Variants in RBFOX1 observed in about 807,000 individuals in gnomAD.
The protein encoded by RBFOX1 is RNA binding fox-1 homolog 1.
A neutral mutation model predicts 57.7 loss-of-function variants in RBFOX1; 8 were observed. The ratio of observed to expected loss-of-function variants is 0.14; its 90% confidence interval spans 0.08 to 0.25. The LOEUF is 0.25. Ranked by LOEUF, RBFOX1 falls within the 10% of genes least tolerant of loss-of-function variation. RBFOX1 has a pLI of 1.00. For synonymous variants in RBFOX1, 326 were observed against 222.4 expected (o/e 1.47, Z -4.15); for missense variants, 611 against 548.5 (o/e 1.11, Z -1.14).
At chr16:6,325,291 C>T (rs947317317) in intron 2 of RBFOX1, among the ~76,000 whole-genome samples, 1 of 152,092 alleles carries the variant, frequency 6.6e-6, no homozygotes, top group Non-Finnish European at 1.5e-5. Flanking sequence ...CCCAGGAATC[C>T]AAGGCTGCAG....
intron 1 of RBFOX1, among the ~76,000 whole-genome samples, chr16:6,170,696 T>C (rs1291658718): frequency 6.6e-6 from 1 of 152,138 alleles, no homozygotes; most frequent in Non-Finnish European, 1.5e-5. Flanking sequence ...ATCACCCAAG[T>C]ACTAAGCTTA....
rs1205931486 is a variant in RBFOX1, at chr16:6,935,626, G to A, written c.-15-116431G>A. ...ATTGTGCATGTACACACAAGCACAC[G>A]CTCCCCTACATACTTTGCTGACATC... On this transcript the variant is annotated intron_variant, in intron 3 of 15. Coordinates refer to ENST00000550418, the MANE Select transcript of RBFOX1 (RefSeq NM_018723.4). Among the ~76,000 whole-genome samples the A allele has an allele frequency of 2.0e-5, 3 of 152,134 alleles. No homozygotes were observed. The South Asian group carries it at 6.2e-4, about 32-fold the overall frequency.
intron 2 of RBFOX1, among the ~76,000 whole-genome samples, chr16:6,589,625 C>G (rs2097682379): frequency 6.6e-6 from 1 of 152,184 alleles, no homozygotes; most frequent in South Asian, 2.1e-4. Flanking sequence ...TCTTGCAGCT[C>G]CTAGCTGCAG....
chr16:7,691,361 T>G (rs1352171446), intron 14 of RBFOX1, among the ~76,000 whole-genome samples: 1 of 135,334 alleles, frequency 7.4e-6, no homozygotes, highest in Non-Finnish European at 1.6e-5. Flanking sequence ...TCAATACACA[T>G]AGGTTTTCAA....
intron 1 of RBFOX1, among the ~76,000 whole-genome samples, chr16:5,445,436 C>T (rs1342768082): frequency 2.6e-5 from 4 of 152,124 alleles, no homozygotes; most frequent in Non-Finnish European, 5.9e-5. Flanking sequence ...TATGACTATC[C>T]TTAGGACCAT....
At chr16:5,775,114 G>T (rs1294140086) in intron 3 of RBFOX1, among the ~76,000 whole-genome samples, 1 of 152,068 alleles carries the variant, frequency 6.6e-6, no homozygotes, top group Non-Finnish European at 1.5e-5. Flanking sequence ...CTTGAGTGAT[G>T]GTGTAGACAA....
chr16:5,456,814 C>T (rs2068643828), intron 1 of RBFOX1, among the ~76,000 whole-genome samples: 1 of 152,162 alleles, frequency 6.6e-6, no homozygotes, highest in South Asian at 2.1e-4. Flanking sequence ...CTTGGAATAA[C>T]ACCTAACCCC....
chr16:6,449,953 GGAGAGAGCTGTGT>G (rs2094556748), intron 2 of RBFOX1, among the ~76,000 whole-genome samples: 1 of 152,188 alleles, frequency 6.6e-6, no homozygotes, highest in Non-Finnish European at 1.5e-5. Flanking sequence ...TGCCAGGTCA[GGAGAGAGCTGTGT>G]GCATGGAGTG....
chr16:5,634,439 A>G (rs2048618232), intron 3 of RBFOX1, among the ~76,000 whole-genome samples: 1 of 152,244 alleles, frequency 6.6e-6, no homozygotes, highest in Non-Finnish European at 1.5e-5. Context: ...ATTTAAGCTA[A>G]TTAATCATTT....
chr16:5,395,621 C>T (rs1412723176), intron 1 of RBFOX1, among the ~76,000 whole-genome samples: 1 of 152,200 alleles, frequency 6.6e-6, no homozygotes, highest in Non-Finnish European at 1.5e-5. Flanking sequence ...TTCCTGATGT[C>T]TGTGACTTTG....
intron 4 of RBFOX1, among the ~76,000 whole-genome samples, chr16:7,153,841 G>C (rs2076570970): frequency 6.6e-6 from 1 of 152,080 alleles, no homozygotes; most frequent in South Asian, 2.1e-4. Context: ...CCCTCAAACA[G>C]GCTATCAGAT....
intron 1 of RBFOX1, among the ~76,000 whole-genome samples, chr16:6,072,366 G>T (rs1481916568): frequency 6.6e-6 from 1 of 152,114 alleles, no homozygotes; most frequent in African/African-American, 2.4e-5. Context: ...GGACACTTAG[G>T]TGGCTTCCAT....
At chr16:6,685,261 G>C (rs1378765800) in intron 3 of RBFOX1, among the ~76,000 whole-genome samples, 1 of 146,994 alleles carries the variant, frequency 6.8e-6, no homozygotes, top group African/African-American at 2.5e-5. Context: ...TACTAAGAGA[G>C]GGAGAGTTTT....
At chr16:6,738,044 A>G (rs1348645958) in intron 3 of RBFOX1, among the ~76,000 whole-genome samples, 1 of 151,484 alleles carries the variant, frequency 6.6e-6, no homozygotes, top group Non-Finnish European at 1.5e-5. Flanking sequence ...ACAAAAACAC[A>G]AAGGACTTGT....
intron 4 of RBFOX1, among the ~76,000 whole-genome samples, chr16:7,180,651 A>T (rs1273457436): frequency 6.6e-6 from 1 of 151,708 alleles, no homozygotes; most frequent in African/African-American, 2.4e-5. Flanking sequence ...CAAAAGATTT[A>T]CTTGGGGAAA....
chr16:5,855,971 T>G (rs2057016788), intron 3 of RBFOX1, among the ~76,000 whole-genome samples: 3 of 142,324 alleles, frequency 2.1e-5, no homozygotes, highest in Non-Finnish European at 4.6e-5. Flanking sequence ...CCTATGTATG[T>G]TATTCTTTTT....
chr16:6,861,156 T>C (rs1382156010), intron 3 of RBFOX1, among the ~76,000 whole-genome samples: 1 of 152,186 alleles, frequency 6.6e-6, no homozygotes, highest in Non-Finnish European at 1.5e-5. Context: ...GTATTTTTTA[T>C]ATGTCTCATG....
chr16:6,210,686 G>A (rs779791608), intron 1 of RBFOX1, among the ~76,000 whole-genome samples: 14 of 151,790 alleles, frequency 9.2e-5, no homozygotes, highest in Non-Finnish European at 1.5e-4. Flanking sequence ...TTGTGCCACT[G>A]CACTCCAGTG....
At chr16:7,398,281 C>G (rs896435643) in intron 4 of RBFOX1, among the ~76,000 whole-genome samples, 1 of 152,108 alleles carries the variant, frequency 6.6e-6, no homozygotes, top group Admixed American at 6.6e-5. Flanking sequence ...TTCTTTCCCT[C>G]TGGGTGACAC....
Sources: allele counts gnomAD v4.1 joint callset (sites outside exome capture counted in the v4.1 genomes callset), GRCh38; gene constraint gnomAD v4.1.1; transcripts MANE v1.5; gene names NCBI Gene and HGNC (gene_info 2026-07-23, HGNC 2026-07-21).